The following CACNA2D4 variants were observed in gnomAD, a reference collection of about 807,000 sequenced individuals.
CACNA2D4 encodes voltage-dependent calcium channel subunit alpha-2/delta-4.
Under a neutral mutation model 163.8 loss-of-function variants are expected in CACNA2D4, and 157 were observed. That is an observed-to-expected ratio of 0.96 (90% CI 0.84 to 1.09). The LOEUF is 1.09. CACNA2D4 is among the 50% of genes least tolerant of loss of function. CACNA2D4 has a pLI of 0.00. For missense variants in CACNA2D4, 1,410 were observed against 1,479.9 expected, an observed-to-expected ratio of 0.95 and a Z score of 0.78; for synonymous variants, 598 against 586.9, an observed-to-expected ratio of 1.02 and a Z score of -0.27.
intron 6 of CACNA2D4, among the ~76,000 whole-genome samples, chr12:1,900,028 C>T (rs1281376948): frequency 2.0e-5 from 3 of 152,104 alleles, no homozygotes; most frequent in African/African-American, 4.8e-5. Context: ...AGAGGATATA[C>T]ATACAGCTAA....
intron 24 of CACNA2D4, among the ~76,000 whole-genome samples, chr12:1,845,367 C>A (rs1865121210): frequency 6.7e-6 from 1 of 149,740 alleles, no homozygotes; most frequent in African/African-American, 2.5e-5. Flanking sequence ...TCTGCCTTCT[C>A]CACCTCCGCA....
At chr12:1,839,932 G>A (rs185022743) in intron 26 of CACNA2D4, among the ~76,000 whole-genome samples, 26 of 152,324 alleles carry the variant, frequency 1.7e-4, no homozygotes, top group African/African-American at 5.1e-4. Context: ...TGAGCCAAAC[G>A]TTCTGAGCCT....
rs1864430359 is a variant in CACNA2D4, at chr12:1,828,043, C to T, written c.2551+12696G>A. 8 of 1,115,350 alleles carry T rather than the reference C, an allele frequency of 7.2e-6. No individual in the cohort carries two copies. The highest frequency in any genetic ancestry group is 3.8e-5 in the South Asian group (2 of 52,966). 69.1% of individuals were successfully genotyped at this position (1,115,350 alleles called of 1,614,324 possible). On this transcript the variant is annotated intron_variant, in intron 26 of 37. Coordinates refer to ENST00000382722, the MANE Select transcript of CACNA2D4 (RefSeq NM_172364.5). This position sits in a 1 kb window ranked among gnomAD's most constrained non-coding sequence, Gnocchi z 4.2. Reference sequence around the variant, plus strand: ...CCTGGGCTGGAACGGGGCTCCCGCGCCTGCCTGTGCTCAGTGCTCCTCCCT... The same window carrying T: ...CCTGGGCTGGAACGGGGCTCCCGCGTCTGCCTGTGCTCAGTGCTCCTCCCT...
chr12:1,796,560 G>A (rs908493324), intron 35 of CACNA2D4, among the ~76,000 whole-genome samples: 2 of 152,212 alleles, frequency 1.3e-5, no homozygotes, highest in African/African-American at 4.8e-5. Context: ...TCCTCGCACC[G>A]AGCCTTTGCG....
At chr12:1,879,917 G>A (rs755600083) in intron 13 of CACNA2D4, 36 bp from the exon 14 acceptor site, 52 of 1,486,062 alleles carry the variant, frequency 3.5e-5, no homozygotes, top group Non-Finnish European at 4.5e-5. Context: ...CAGAAGGTGC[G>A]GCCTAGGGCC....
chr12:1,880,294 G>C (rs761563121), intron 13 of CACNA2D4, among the ~76,000 whole-genome samples: 5 of 152,266 alleles, frequency 3.3e-5, no homozygotes, highest in Non-Finnish European at 5.9e-5. Flanking sequence ...TGGACTTAAG[G>C]TTGCTACAGG....
chr12:1,823,706 G>C (rs1363089909), intron 26 of CACNA2D4, among the ~76,000 whole-genome samples: 1 of 152,182 alleles, frequency 6.6e-6, no homozygotes, highest in African/African-American at 2.4e-5. Flanking sequence ...GAGAGGCTGG[G>C]AAGAGGAGAA....
intron 6 of CACNA2D4, among the ~76,000 whole-genome samples, chr12:1,899,487 T>C (rs1479286488): frequency 6.6e-6 from 1 of 152,080 alleles, no homozygotes; most frequent in East Asian, 1.9e-4. Context: ...AGCAGAGATT[T>C]AAAAGATGAT....
chr12:1,816,493 GTCCTC>G (rs2154446095), intron 26 of CACNA2D4, among the ~76,000 whole-genome samples: 1 of 124,840 alleles, frequency 8.0e-6, no homozygotes, highest in African/African-American at 2.8e-5. Flanking sequence ...CCTCCCTCCT[GTCCTC>G]CCTCTCTGGG....
intron 6 of CACNA2D4, among the ~76,000 whole-genome samples, chr12:1,895,273 T>C (rs916652891): frequency 2.1e-4 from 32 of 152,086 alleles, no homozygotes; most frequent in Non-Finnish European, 3.5e-4. Context: ...CTGGGATAAT[T>C]AATATAATTA....
At chr12:1,884,960 C>T (rs1351645004) in intron 10 of CACNA2D4, 27 bp downstream of exon 10, 16 of 1,608,506 alleles carry the variant, frequency 9.9e-6, no homozygotes, top group African/African-American at 1.3e-5. Flanking sequence ...CCAGTCCTCC[C>T]CTCCCAGGCC....
rs771450597 is a variant in CACNA2D4 at position 1,808,080 on chromosome 12, CAT to C, written c.2721+2196_2721+2197del. On this transcript the variant is annotated intron_variant, in intron 29 of 37. Coordinates refer to ENST00000382722, the MANE Select transcript of CACNA2D4 (RefSeq NM_172364.5). ...TCAGTGATTTTACAATCTGTGAAGACATGTGAGCAAATGTGGTCTGGACAGAA... is the reference window on the plus strand; with the variant it reads ...TCAGTGATTTTACAATCTGTGAAGACGTGAGCAAATGTGGTCTGGACAGAA... 6.6e-5 allele frequency among the ~76,000 whole-genome samples: 10 copies of C among 152,214 alleles called. No individual in the cohort carries two copies. The East Asian group carries it at 1.4e-3, about 21-fold the overall frequency.
At chr12:1,808,756 G>C (rs1040728045) in intron 29 of CACNA2D4, among the ~76,000 whole-genome samples, 1 of 152,200 alleles carries the variant, frequency 6.6e-6, no homozygotes, top group Non-Finnish European at 1.5e-5. Flanking sequence ...AGAGGGGTCG[G>C]AGCACGAATG....
rs1191229414 is a variant in CACNA2D4, at chr12:1,806,461, C to T, written c.2721+3817G>A. Among the ~76,000 whole-genome samples the T allele has an allele frequency of 6.6e-6, 1 of 152,200 alleles. No homozygotes were observed. Among genetic ancestry groups the T allele is most frequent in the Non-Finnish European group, 1.5e-5 (1 of 68,036 alleles). Reference sequence around the variant, plus strand: ...CTGCAGATGAGGCCCTTGTGGTTTCCCCACTCACTGACTACGGGGAGGAGG... The same window carrying T: ...CTGCAGATGAGGCCCTTGTGGTTTCTCCACTCACTGACTACGGGGAGGAGG... On this transcript the variant is annotated intron_variant, in intron 29 of 37. Coordinates refer to ENST00000382722, the MANE Select transcript of CACNA2D4 (RefSeq NM_172364.5). The surrounding 1 kb of genome is among the most constrained non-coding windows in gnomAD (Gnocchi z 4.1).
chr12:1,840,450 GGGTGGGGGGCGGCGGGGGGC>G (rs1864991505), intron 26 of CACNA2D4, among the ~76,000 whole-genome samples: 1 of 129,054 alleles, frequency 7.7e-6, no homozygotes, highest in East Asian at 2.9e-4. Context: ...AGAGGGGGGT[GGGTGGGGGGCGGCGGGGGGC>G]TGGGCTGCAG....
intron 16 of CACNA2D4, among the ~76,000 whole-genome samples, chr12:1,876,980 T>G: frequency 6.6e-6 from 1 of 152,346 alleles, no homozygotes; most frequent in South Asian, 2.1e-4. Context: ...TCCTCGTTAT[T>G]TTTTCTTTTT....
At chr12:1,872,375 A>G (rs1382607570) in intron 18 of CACNA2D4, among the ~76,000 whole-genome samples, 2 of 152,158 alleles carry the variant, frequency 1.3e-5, no homozygotes, top group South Asian at 4.1e-4. Context: ...AAATAAGGAT[A>G]CCTATAAAAT....
chr12:1,797,748 C>A, intron 34 of CACNA2D4: 1 of 598,154 alleles, frequency 1.7e-6, no homozygotes, highest in Non-Finnish European at 3.0e-6. Context: ...GCACGGGGAG[C>A]GCCGCAGGGG....
At chr12:1,826,400 G>GCC (rs150016230) in intron 26 of CACNA2D4, among the ~76,000 whole-genome samples, 28 of 57,140 alleles carry the variant, frequency 4.9e-4, no homozygotes, top group Admixed American at 1.4e-3. Context: ...TGAACCCAGA[G>GCC]CCCCCCCCCC....
Sources: allele counts gnomAD v4.1 joint callset (sites outside exome capture counted in the v4.1 genomes callset), GRCh38; gene constraint gnomAD v4.1.1; non-coding constraint Gnocchi (gnomAD v3.1); transcripts MANE v1.5; gene names NCBI Gene and HGNC (gene_info 2026-07-23, HGNC 2026-07-21).